Variants in METTL15 observed in about 807,000 individuals in gnomAD.
METTL15 encodes methyltransferase 15, mitochondrial 12S rRNA N4-cytidine, also known as 12S rRNA N(4)-cytidine methyltransferase METTL15.
Under a neutral mutation model 38.3 loss-of-function variants are expected in METTL15, and 34 were observed. That is an observed-to-expected ratio of 0.89 (90% CI 0.68 to 1.18). METTL15 has a LOEUF of 1.18. Ranked by LOEUF, METTL15 falls within the 50% of genes most tolerant of loss-of-function variation. METTL15 has a pLI of 0.00. For synonymous variants in METTL15, 162 were observed against 170.9 expected, an observed-to-expected ratio of 0.95 and a Z score of 0.41; for missense variants, 438 against 498.4, an observed-to-expected ratio of 0.88 and a Z score of 1.15.
intron 3 of METTL15, among the ~76,000 whole-genome samples, chr11:28,160,312 A>G (rs1474996334): frequency 1.3e-5 from 2 of 152,010 alleles, no homozygotes; most frequent in East Asian, 3.9e-4. Context: ...CTGTTCCTTT[A>G]GAGAACCCTG....
chr11:28,368,431 G>T (rs890162251), intron 5 of METTL15, among the ~76,000 whole-genome samples: 5 of 152,158 alleles, frequency 3.3e-5, no homozygotes, highest in African/African-American at 4.8e-5. Flanking sequence ...TTAGAAAAAT[G>T]CAAGTCAAAA....
intron 4 of METTL15, among the ~76,000 whole-genome samples, chr11:28,235,978 C>A (rs1174385102): frequency 6.6e-6 from 1 of 151,696 alleles, no homozygotes; most frequent in Admixed American, 6.6e-5. Flanking sequence ...TGAGATACGT[C>A]CCATCAATAC....
At chr11:28,384,489 T>C (rs553997782) in intron 5 of METTL15, among the ~76,000 whole-genome samples, 76 of 152,188 alleles carry the variant, frequency 5.0e-4, no homozygotes, top group African/African-American at 1.6e-3. Context: ...TTTTTATTTT[T>C]AGTAGAGATG....
intron 3 of METTL15, among the ~76,000 whole-genome samples, chr11:28,184,520 C>T (rs1851421466): frequency 6.6e-6 from 1 of 152,020 alleles, no homozygotes; most frequent in Admixed American, 6.6e-5. Context: ...ATTATTTACC[C>T]AGTAGTCATT....
rs574353684 is a variant in METTL15, at chr11:28,289,910, G to A, written c.408-296G>A. Among the ~76,000 whole-genome samples, 6 of 152,118 alleles carry A rather than the reference G, an allele frequency of 3.9e-5. No individual in the cohort carries two copies. The South Asian group carries it at 1.2e-3, about 32-fold the overall frequency. ...AAGAAATTTTTAAGAAAATATGAAA[G>A]ACCTGGTTTGACATAGGAATTTTTC... On this transcript the variant is annotated intron_variant, in intron 4 of 6. Coordinates refer to ENST00000407364, the MANE Select transcript of METTL15 (RefSeq NM_001113528.2).
intron 5 of METTL15, among the ~76,000 whole-genome samples, chr11:28,417,786 A>G (rs1334962069): frequency 6.6e-6 from 1 of 152,176 alleles, no homozygotes; most frequent in Non-Finnish European, 1.5e-5. Flanking sequence ...TTGGAACATG[A>G]CCAATGTACA....
At chr11:28,269,829 G>A (rs969969500) in intron 4 of METTL15, among the ~76,000 whole-genome samples, 8 of 152,172 alleles carry the variant, frequency 5.3e-5, no homozygotes, top group African/African-American at 1.7e-4. Context: ...CTCCTGAGCC[G>A]GCCTAGTGCC....
chr11:28,301,549 C>T (rs1025971245), intron 6 of METTL15, among the ~76,000 whole-genome samples: 29 of 151,940 alleles, frequency 1.9e-4, no homozygotes, highest in African/African-American at 6.3e-4. Context: ...TGTAGTTACT[C>T]CGCATTAAGA....
intron 6 of METTL15, among the ~76,000 whole-genome samples, chr11:28,327,325 T>C: frequency 6.6e-6 from 1 of 152,214 alleles, no homozygotes; most frequent in East Asian, 1.9e-4. Flanking sequence ...TCCCCTATTA[T>C]CTTTAAGACC....
At chr11:28,388,728 C>T (rs186337610) in intron 5 of METTL15, among the ~76,000 whole-genome samples, 64 of 152,148 alleles carry the variant, frequency 4.2e-4, no homozygotes, top group African/African-American at 1.1e-3. Context: ...ATATGCACAA[C>T]GTGCAGGTTT....
intron 5 of METTL15, among the ~76,000 whole-genome samples, chr11:28,397,002 A>G (rs1204873571): frequency 6.6e-6 from 1 of 152,220 alleles, no homozygotes; most frequent in Non-Finnish European, 1.5e-5. Context: ...AGGATTCCCT[A>G]TTTAATAAAT....
intron 6 of METTL15, among the ~76,000 whole-genome samples, chr11:28,325,155 A>G (rs914629628): frequency 2.0e-5 from 3 of 152,260 alleles, no homozygotes; most frequent in Admixed American, 6.5e-5. Flanking sequence ...CAGCAGGGCA[A>G]TTATACCTTT....
intron 4 of METTL15, among the ~76,000 whole-genome samples, chr11:28,353,129 T>C (rs923585560): frequency 6.6e-6 from 1 of 152,040 alleles, no homozygotes; most frequent in Non-Finnish European, 1.5e-5. Context: ...AGTTAAAAGA[T>C]TACTGCAGCT....
In METTL15 at chr11:28,441,036, G is replaced by A. The variant is rs1048978734; in HGVS notation, c.*424+16672G>A. 2.1e-5 allele frequency among the ~76,000 whole-genome samples: 3 copies of A among 145,642 alleles called. No homozygotes were observed. The East Asian group carries it at 6.1e-4, about 30-fold the overall frequency. On this transcript the variant is annotated intron_variant and NMD_transcript_variant, in intron 6 of 7. Coordinates refer to the METTL15 transcript ENST00000532947. ...TGGGGGCGGGGCAGGGGGCATTCTG[G>A]TTGGCTTTTACTTATGACACTACTT...
intron 6 of METTL15, among the ~76,000 whole-genome samples, chr11:28,316,627 C>CA (rs1181924244): frequency 6.6e-6 from 1 of 152,100 alleles, no homozygotes; most frequent in Non-Finnish European, 1.5e-5. Context: ...GGTGGAATGA[C>CA]ATGGTTTGGC....
At chr11:28,114,344 A>G (rs1851852706) in intron 3 of METTL15, among the ~76,000 whole-genome samples, 1 of 152,116 alleles carries the variant, frequency 6.6e-6, no homozygotes, top group Admixed American at 6.5e-5. Context: ...ATTGCATTGT[A>G]TGGATATGCC....
intron 6 of METTL15, among the ~76,000 whole-genome samples, chr11:28,317,432 C>T (rs1421856682): frequency 6.6e-6 from 1 of 151,994 alleles, no homozygotes; most frequent in African/African-American, 2.4e-5. Context: ...GGAAATTCAA[C>T]AGCCGAATGC....
downstream of METTL15, among the ~76,000 whole-genome samples, chr11:28,336,650 A>G (rs1026814767): frequency 6.6e-6 from 1 of 152,194 alleles, no homozygotes; most frequent in African/African-American, 2.4e-5. Context: ...ATGGAGCTAA[A>G]AAATTCCTAT....
intron 4 of METTL15, among the ~76,000 whole-genome samples, chr11:28,212,900 T>C (rs1852700323): frequency 6.6e-6 from 1 of 152,300 alleles, no homozygotes; most frequent in Non-Finnish European, 1.5e-5. Context: ...TCTTATTCCT[T>C]TAAACACCAC....
Sources: allele counts gnomAD v4.1 joint callset (sites outside exome capture counted in the v4.1 genomes callset), GRCh38; gene constraint gnomAD v4.1.1; transcripts MANE v1.5; gene names NCBI Gene and HGNC (gene_info 2026-07-23, HGNC 2026-07-21).